The following TAF3 variants were observed in gnomAD, a reference collection of about 807,000 sequenced individuals.
The protein encoded by TAF3 is TATA-box binding protein associated factor 3, also known as transcription initiation factor TFIID subunit 3.
In TAF3, 7 loss-of-function variants were observed where a neutral mutation model predicts 80.6. That is an observed-to-expected ratio of 0.09 (90% CI 0.05 to 0.16). TAF3 has a LOEUF of 0.16. Ranked by LOEUF, TAF3 falls within the 10% of genes least tolerant of loss-of-function variation. The pLI, the probability that TAF3 is intolerant of heterozygous loss-of-function variation, is 1.00. For missense variants in TAF3, 921 were observed against 1,140.2 expected (o/e 0.81, Z 2.77); for synonymous variants, 444 against 446.1 (o/e 1.00, Z 0.06).
intron 1 of TAF3, among the ~76,000 whole-genome samples, chr10:7,819,887 C>T (rs1033477677): frequency 4.6e-5 from 7 of 152,190 alleles, no homozygotes; most frequent in Non-Finnish European, 1.0e-4. Context: ...TTCCCGCTTC[C>T]ACAGGGCTGC....
chr10:7,849,178 C>CT (rs200672495), intron 2 of TAF3, among the ~76,000 whole-genome samples: 2 of 151,564 alleles, frequency 1.3e-5, no homozygotes, highest in South Asian at 2.1e-4. Context: ...CTAGTATTAT[C>CT]TTTTTTTTTC....
At chr10:7,880,999 G>C (rs559379144) in intron 2 of TAF3, among the ~76,000 whole-genome samples, 1 of 152,288 alleles carries the variant, frequency 6.6e-6, no homozygotes, top group African/African-American at 2.4e-5. Flanking sequence ...ACTTTGGGAG[G>C]CTGAAGCTGG....
At chr10:7,822,180 G>C (rs1398117003) in intron 1 of TAF3, among the ~76,000 whole-genome samples, 4 of 150,956 alleles carry the variant, frequency 2.6e-5, no homozygotes, top group Non-Finnish European at 1.5e-5. Context: ...GGCAGAACTT[G>C]AGACTATACT....
At chr10:8,003,888 A>G (rs1279250429) in intron 4 of TAF3, among the ~76,000 whole-genome samples, 1 of 152,170 alleles carries the variant, frequency 6.6e-6, no homozygotes, top group Non-Finnish European at 1.5e-5. Context: ...ATCAAAGAAA[A>G]AACAACCAAA....
At chr10:8,013,036 G>A (rs1462134161) in intron 5 of TAF3, among the ~76,000 whole-genome samples, 3 of 152,190 alleles carry the variant, frequency 2.0e-5, no homozygotes, top group Non-Finnish European at 4.4e-5. Context: ...GAACTGCTAA[G>A]TTAAATAAAG....
chr10:7,850,876 C>CAT, intron 2 of TAF3, among the ~76,000 whole-genome samples: 1 of 152,058 alleles, frequency 6.6e-6, no homozygotes, highest in East Asian at 1.9e-4. Flanking sequence ...GTGCTTTGTA[C>CAT]ATGTGTATGT....
At chr10:7,990,882 G>A (rs1831827004) in intron 4 of TAF3, among the ~76,000 whole-genome samples, 1 of 152,142 alleles carries the variant, frequency 6.6e-6, no homozygotes, top group African/African-American at 2.4e-5. Flanking sequence ...CTGCCTGCTT[G>A]TCATGTCCCT....
chr10:7,841,301 T>C (rs1232992326), intron 2 of TAF3, among the ~76,000 whole-genome samples: 1 of 152,238 alleles, frequency 6.6e-6, no homozygotes, highest in Non-Finnish European at 1.5e-5. Flanking sequence ...GAGCCTGCTG[T>C]CTGCAGGCTC....
chr10:7,932,878 A>G (rs1023510709), intron 2 of TAF3, among the ~76,000 whole-genome samples: 6 of 151,844 alleles, frequency 4.0e-5, no homozygotes, highest in Non-Finnish European at 5.9e-5. Flanking sequence ...GGGGATCTCA[A>G]TATATTGCCC....
intron 2 of TAF3, among the ~76,000 whole-genome samples, chr10:7,894,568 G>A (rs1298975282): frequency 2.0e-5 from 3 of 152,138 alleles, no homozygotes; most frequent in African/African-American, 7.2e-5. Context: ...ATTGGTCATT[G>A]TTTGAAGTTG....
chr10:7,985,855 C>T (rs1285209038), intron 4 of TAF3, among the ~76,000 whole-genome samples: 1 of 144,442 alleles, frequency 6.9e-6, no homozygotes, highest in Non-Finnish European at 1.5e-5. Flanking sequence ...GTGATCTTGG[C>T]TCACTGCAGC....
intron 2 of TAF3, among the ~76,000 whole-genome samples, chr10:7,855,349 G>A (rs1345849900): frequency 6.6e-6 from 1 of 152,166 alleles, no homozygotes; most frequent in African/African-American, 2.4e-5. Context: ...AGGGACCGTG[G>A]GTTGAGGCCT....
At chr10:7,857,233 T>A (rs1034474569) in intron 2 of TAF3, among the ~76,000 whole-genome samples, 1 of 152,274 alleles carries the variant, frequency 6.6e-6, no homozygotes, top group East Asian at 1.9e-4. Flanking sequence ...GGAAGAATAT[T>A]TCCTCAGCTG....
chr10:7,981,947 C>A (rs1400062609), intron 4 of TAF3, among the ~76,000 whole-genome samples: 1 of 152,038 alleles, frequency 6.6e-6, no homozygotes, highest in Non-Finnish European at 1.5e-5. Flanking sequence ...CTAAACTTTT[C>A]CAGTTAATGC....
intron 4 of TAF3, among the ~76,000 whole-genome samples, chr10:7,999,399 G>T (rs1215394584): frequency 6.8e-6 from 1 of 147,462 alleles, no homozygotes; most frequent in African/African-American, 2.5e-5. Flanking sequence ...CCAAAACTAC[G>T]TACCAACCTT....
chr10:7,925,814 A>AAAG lies in TAF3; in HGVS notation c.410-38104_410-38103insGAA, dbSNP rs1554782325. 8.2e-4 allele frequency among the ~76,000 whole-genome samples: 110 copies of AAAG among 133,338 alleles called. 2 individuals carry two copies. Among genetic ancestry groups the AAAG allele is most frequent in the Admixed American group, 1.8e-3 (23 of 12,766 alleles). 87.5% of individuals were successfully genotyped at this position (133,338 alleles called of 152,430 possible). On this transcript the variant is annotated intron_variant, in intron 2 of 6. Transcript: ENST00000344293. The stretch of plus-strand genomic sequence containing the variant: ...ACTCCATCTCAAAAAAAAAAAAAAG[A>AAAG]AAAGAAAAGAAAAGAAAAAGGAAGG...
At chr10:7,897,706 G>A (rs1837518680) in intron 2 of TAF3, among the ~76,000 whole-genome samples, 1 of 149,012 alleles carries the variant, frequency 6.7e-6, no homozygotes, top group South Asian at 2.1e-4. Context: ...TCTCACCCAG[G>A]TTGAGTGCAG....
Position 8,015,475 on chromosome 10 carries a change from T to C in TAF3, c.*724T>C, listed in dbSNP as rs1227422185. On this transcript the variant is annotated 3_prime_UTR_variant, in exon 7 of 7. Coordinates refer to ENST00000344293, the MANE Select transcript of TAF3 (RefSeq NM_031923.4). ...CTCTTCTCACTGCTTGTACATTTCA[T>C]CAACTTGTATAAAAACTCTTCAGAC... 3.3e-5 allele frequency: 5 copies of C among 152,212 alleles called. No individual in the cohort carries two copies. Among genetic ancestry groups the C allele is most frequent in the African/African-American group, 1.2e-4 (5 of 41,456 alleles). 9.4% of individuals were successfully genotyped at this position (152,212 alleles called of 1,614,324 possible).
intron 2 of TAF3, among the ~76,000 whole-genome samples, chr10:7,927,644 T>C (rs549247192): frequency 1.4e-4 from 21 of 152,324 alleles, no homozygotes; most frequent in African/African-American, 5.1e-4. Flanking sequence ...CCCAGAATCT[T>C]TTCAGACCCT....
Sources: allele counts gnomAD v4.1 joint callset (sites outside exome capture counted in the v4.1 genomes callset), GRCh38; gene constraint gnomAD v4.1.1; transcripts MANE v1.5; gene names NCBI Gene and HGNC (gene_info 2026-07-23, HGNC 2026-07-21).